Variants in PAX3 observed in about 807,000 individuals in gnomAD.
PAX3 encodes the protein paired box protein Pax-3.
A neutral mutation model predicts 51.6 loss-of-function variants in PAX3; 14 were observed. The observed-to-expected ratio is 0.27, with a 90% CI of 0.18 to 0.42. The LOEUF (loss-of-function observed/expected upper bound fraction) is 0.42. Among genes scored for constraint, PAX3 ranks in the 10% least tolerant of loss-of-function variants. The probability of loss-of-function intolerance (pLI) is 1.00; values close to 1 mark genes in which losing one functional copy is unlikely to be tolerated. For synonymous variants in PAX3, 280 were observed against 253.4 expected (o/e 1.11, Z -1.00); for missense variants, 540 against 642.8 (o/e 0.84, Z 1.73).
intron 4 of PAX3, among the ~76,000 whole-genome samples, chr2:222,284,800 C>T (rs891648848): frequency 2.6e-5 from 4 of 152,208 alleles, no homozygotes; most frequent in Admixed American, 2.6e-4. Flanking sequence ...GTAATTTGCA[C>T]ATAATATGCA....
rs564567794 is a variant in PAX3 at position 222,249,672 on chromosome 2, T to C, written c.587-17389A>G. Among the ~76,000 whole-genome samples, 3 of 152,274 alleles carry C rather than the reference T, an allele frequency of 2.0e-5. No homozygotes were observed. In the East Asian group the frequency reaches 5.8e-4, roughly 29 times the overall value. On this transcript the variant is annotated intron_variant, in intron 4 of 8. Coordinates refer to ENST00000392070, the MANE Select transcript of PAX3 (RefSeq NM_181458.4). ...ACCACGTGACACATTGTAAGGGCCC[T>C]TTGCAGAGATTCAGAAGAAGCCCTT...
At chr2:222,229,090 T>A (rs1035216701) in intron 5 of PAX3, among the ~76,000 whole-genome samples, 2 of 152,028 alleles carry the variant, frequency 1.3e-5, no homozygotes, top group African/African-American at 4.8e-5. Context: ...ATTGCAGAAC[T>A]ATAATAAAAG....
At chr2:222,280,989 T>C (rs1442581510) in intron 4 of PAX3, among the ~76,000 whole-genome samples, 1 of 152,224 alleles carries the variant, frequency 6.6e-6, no homozygotes, top group African/African-American at 2.4e-5. Flanking sequence ...AAACAGACAC[T>C]GGCTTCTAGT....
Position 222,232,176 on chromosome 2 carries a change from C to G in PAX3, c.694G>C (p.Glu232Gln), listed in dbSNP as rs1692622294. Residue 232 changes from glutamate (E) to glutamine (Q), a missense_variant, in exon 5 of 9, where the codon GAG (glutamate) becomes CAG (glutamine). Glu to Gln is a conservative substitution (Grantham distance 29). This residue lies in a region of PAX3 where 427 missense variants were observed against 483.6 expected (regional missense o/e 0.88). Transcript: ENST00000392070. The stretch of plus-strand genomic sequence containing the variant: ...CTCTCAAAAGCACGCTCCAGTTCCT[C>G]CAGCTGTTCTGCTGTGAAGGTGGTT... ...SRTTFTAEQL[E>Q]ELERAFERTH... 8.7e-6 allele frequency: 14 copies of G among 1,613,958 alleles called. No individual in the cohort carries two copies. Among genetic ancestry groups the G allele is most frequent in the Non-Finnish European group, 1.1e-5 (13 of 1,179,968 alleles).
At chr2:222,223,168 A>G (rs781072308) in intron 5 of PAX3, among the ~76,000 whole-genome samples, 5 of 147,476 alleles carry the variant, frequency 3.4e-5, no homozygotes, top group Non-Finnish European at 7.6e-5. Context: ...GATTTGCTCA[A>G]ACTTTTGGTA....
intron 4 of PAX3, among the ~76,000 whole-genome samples, chr2:222,237,162 T>C (rs984930279): frequency 6.6e-6 from 1 of 152,046 alleles, no homozygotes; most frequent in Non-Finnish European, 1.5e-5. Context: ...TAGATACTTA[T>C]CCCACTGTAC....
chr2:222,292,186 G>A (rs760474821), intron 4 of PAX3, among the ~76,000 whole-genome samples: 39 of 152,290 alleles, frequency 2.6e-4, no homozygotes, highest in Non-Finnish European at 1.9e-4. Flanking sequence ...ACTTCCCGGC[G>A]CAGCAGCTAT....
At chr2:222,244,586 A>G (rs1017046169) in intron 4 of PAX3, among the ~76,000 whole-genome samples, 4 of 152,112 alleles carry the variant, frequency 2.6e-5, no homozygotes, top group Non-Finnish European at 5.9e-5. Context: ...AATGTTCCCT[A>G]CATCCTAAGA....
At chr2:222,253,826 T>C (rs78159996) in intron 4 of PAX3, among the ~76,000 whole-genome samples, 43 of 149,160 alleles carry the variant, frequency 2.9e-4, no homozygotes, top group Non-Finnish European at 1.5e-4. Context: ...ATCCCACTAA[T>C]TTTTTTTTTA....
In PAX3 at chr2:222,298,679, C is replaced by T; in HGVS notation, c.-64G>A. 4 of 1,448,532 alleles carry T rather than the reference C, an allele frequency of 2.8e-6. No homozygotes were observed. The highest frequency in any genetic ancestry group is 1.2e-5 in the South Asian group (1 of 82,264). The allele number at this position is 1,448,532 out of a possible 1,614,324, so 89.7% of individuals were successfully genotyped here. ...AGGCGAAACGGAAAGGCGAGTGCGG[C>T]GCGGATGACCCTCGGGAACTATCCG... On this transcript the variant is annotated 5_prime_UTR_variant, in exon 1 of 9. Coordinates refer to ENST00000392070, the MANE Select transcript of PAX3 (RefSeq NM_181458.4).
intron 4 of PAX3, among the ~76,000 whole-genome samples, chr2:222,243,671 G>A (rs980765482): frequency 6.6e-6 from 1 of 152,144 alleles, no homozygotes; most frequent in Non-Finnish European, 1.5e-5. Context: ...ATACATAAAT[G>A]CTTTTAACGA....
At chr2:222,213,899 T>C (rs1691848896) in intron 7 of PAX3, among the ~76,000 whole-genome samples, 1 of 152,118 alleles carries the variant, frequency 6.6e-6, no homozygotes, top group Admixed American at 6.6e-5. Context: ...TATCTTGAAA[T>C]AGAAGCTGGC....
At position 222,221,398 on chromosome 2, in the gene PAX3, AAT is replaced by A; in HGVS notation, c.793-13_793-12del. 1 of 1,611,122 alleles carries A rather than the reference AAT, an allele frequency of 6.2e-7. No homozygotes were observed. Among genetic ancestry groups the A allele is most frequent in the Non-Finnish European group, 8.5e-7 (1 of 1,177,244 alleles). On this transcript the variant is annotated splice_polypyrimidine_tract_variant and intron_variant, in intron 5 of 8. Transcript: ENST00000392070. ...GTTGCTAAACCAGACCTATGGATTTAATTTAAAATTTAAGGATTTCACTGATG... is the reference window on the plus strand; with the variant it reads ...GTTGCTAAACCAGACCTATGGATTTATTAAAATTTAAGGATTTCACTGATG...
At chr2:222,295,286 C>T (rs1695234383) in intron 3 of PAX3, among the ~76,000 whole-genome samples, 1 of 152,250 alleles carries the variant, frequency 6.6e-6, no homozygotes, top group African/African-American at 2.4e-5. Context: ...GCCTCCTCGA[C>T]AGAAATCTTC....
intron 4 of PAX3, among the ~76,000 whole-genome samples, chr2:222,253,633 C>CTTTTTT (rs5838943): frequency 1.4e-5 from 2 of 146,474 alleles, no homozygotes. Flanking sequence ...CAAAACTTTT[C>CTTTTTT]TTTTTTTTTT....
At position 222,212,808 on chromosome 2, in the gene PAX3, G is replaced by A. The variant is rs45540241; in HGVS notation, c.1173+7332C>T. 7.8e-3 allele frequency among the ~76,000 whole-genome samples: 1,189 copies of A among 152,170 alleles called. 10 individuals are homozygous for A. The highest frequency in any genetic ancestry group is 0.017 in the South Asian group (84 of 4,822). Reference sequence around the variant, plus strand: ...AATAATAAATTAAAAGCTTTACATCGCATTCCACCCACATATAAAGGGTTG... The same window carrying A: ...AATAATAAATTAAAAGCTTTACATCACATTCCACCCACATATAAAGGGTTG... On this transcript the variant is annotated intron_variant, in intron 7 of 8. Coordinates refer to ENST00000392070, the MANE Select transcript of PAX3 (RefSeq NM_181458.4).
intron 7 of PAX3, among the ~76,000 whole-genome samples, chr2:222,203,911 C>A (rs1691404542): frequency 1.3e-5 from 2 of 152,124 alleles, no homozygotes; most frequent in African/African-American, 4.8e-5. Context: ...CCCCAGAAAT[C>A]CTGTTTTTCA....
chr2:222,212,033 C>T (rs979096173), intron 7 of PAX3, among the ~76,000 whole-genome samples: 1 of 151,996 alleles, frequency 6.6e-6, no homozygotes, highest in Non-Finnish European at 1.5e-5. Context: ...GGTGTGGATA[C>T]ACTATAATAG....
chr2:222,278,291 C>T (rs1052641269), intron 4 of PAX3, among the ~76,000 whole-genome samples: 5 of 152,072 alleles, frequency 3.3e-5, no homozygotes, highest in African/African-American at 9.7e-5. Flanking sequence ...AAGCCTCCCC[C>T]ACCCCCAGCC....
Sources: allele counts gnomAD v4.1 joint callset (sites outside exome capture counted in the v4.1 genomes callset), GRCh38; gene constraint gnomAD v4.1.1; regional missense constraint gnomAD v4.1.1; transcripts MANE v1.5; gene names NCBI Gene and HGNC (gene_info 2026-07-23, HGNC 2026-07-21).